Variants in KMT2E observed in about 807,000 individuals in gnomAD.
KMT2E encodes the protein histone reader KMT2E.
Under a neutral mutation model 184.6 loss-of-function variants are expected in KMT2E, and 30 were observed. The ratio of observed to expected loss-of-function variants is 0.16; its 90% confidence interval spans 0.12 to 0.22. KMT2E has a LOEUF of 0.22. Among genes scored for constraint, KMT2E ranks in the 10% least tolerant of loss-of-function variants. The pLI, the probability that KMT2E is intolerant of heterozygous loss-of-function variation, is 1.00. For synonymous variants in KMT2E, 815 were observed against 776.5 expected (o/e 1.05, Z -0.82); for missense variants, 2,023 against 2,237.4 (o/e 0.90, Z 1.93).
At chr7:105,068,411 G>T (rs1797132610) in intron 6 of KMT2E, among the ~76,000 whole-genome samples, 1 of 151,596 alleles carries the variant, frequency 6.6e-6, no homozygotes, top group African/African-American at 2.4e-5. Context: ...TGTTAATTCT[G>T]TTGTTCATTA....
chr7:105,076,538 C>T (rs1797532322), intron 9 of KMT2E, among the ~76,000 whole-genome samples: 1 of 152,152 alleles, frequency 6.6e-6, no homozygotes, highest in South Asian at 2.1e-4. Flanking sequence ...TCGATGGTAG[C>T]TAAAAAGTAT....
chr7:105,071,598 ATATATATATATT>A, intron 6 of KMT2E, among the ~76,000 whole-genome samples: 1 of 63,266 alleles, frequency 1.6e-5, no homozygotes. Flanking sequence ...ATATATATAT[ATATATATATATT>A]TTTTTTTTTT....
chr7:105,057,390 C>A (rs774091140), intron 3 of KMT2E, among the ~76,000 whole-genome samples: 6 of 152,102 alleles, frequency 3.9e-5, no homozygotes, highest in Non-Finnish European at 7.4e-5. Context: ...TACTTAGCTT[C>A]AACAGTATTC....
At chr7:105,054,618 G>A (rs904590558) in intron 3 of KMT2E, among the ~76,000 whole-genome samples, 4 of 152,040 alleles carry the variant, frequency 2.6e-5, no homozygotes, top group Non-Finnish European at 5.9e-5. Context: ...GGGTTCAAGC[G>A]ATTCTCTTCC....
At chr7:105,062,454 G>A (rs1796858214) in intron 4 of KMT2E, among the ~76,000 whole-genome samples, 176 bp downstream of exon 4, 1 of 152,086 alleles carries the variant, frequency 6.6e-6, no homozygotes, top group Non-Finnish European at 1.5e-5. Context: ...CTATAAAAGT[G>A]AACTGTTTCT....
rs1554392567 is a variant in KMT2E at position 105,071,582 on chromosome 7, G to GTATA, written c.498-2013_498-2010dup. Among the ~76,000 whole-genome samples, 323 of 34,922 alleles carry GTATA rather than the reference G, an allele frequency of 9.2e-3. 4 individuals carry two copies. Among genetic ancestry groups the GTATA allele is most frequent in the Non-Finnish European group, 0.014 (255 of 18,326 alleles). The allele number at this position is 34,922 out of a possible 152,430, so 22.9% of individuals were successfully genotyped here. A position where few individuals can be genotyped will look rare whatever the true frequency, so the allele number is the denominator to read the frequency against. On this transcript the variant is annotated intron_variant, in intron 6 of 26. Transcript: ENST00000311117. ...TGTATGTATGTATGTATGTGTGTGT[G>GTATA]TATATATATATATATATATATATAT...
chr7:105,037,082 C>G (rs1795690733), intron 1 of KMT2E, among the ~76,000 whole-genome samples: 1 of 152,098 alleles, frequency 6.6e-6, no homozygotes, highest in South Asian at 2.1e-4. Flanking sequence ...AAATTTCTTT[C>G]AAGTTTCTTT....
intron 6 of KMT2E, among the ~76,000 whole-genome samples, chr7:105,070,564 G>A (rs1005202531): frequency 6.7e-6 from 1 of 149,406 alleles, no homozygotes; most frequent in African/African-American, 2.5e-5. Flanking sequence ...AACCTGGGAG[G>A]CAGAGGTTGC....
At chr7:105,014,989 C>T (rs999420663) in intron 1 of KMT2E, among the ~76,000 whole-genome samples, 2 of 152,086 alleles carry the variant, frequency 1.3e-5, no homozygotes, top group Admixed American at 6.6e-5. Context: ...CATTTCTTGA[C>T]GGGCAGTCTC....
In KMT2E at chr7:105,113,551, C is replaced by A; in HGVS notation, c.*218C>A. The A allele has an allele frequency of 4.3e-6, 2 of 463,478 alleles. No individual in the cohort carries two copies. Among genetic ancestry groups the A allele is most frequent in the East Asian group, 7.3e-5 (2 of 27,344 alleles). The allele number at this position is 463,478 out of a possible 1,614,324, so 28.7% of individuals were successfully genotyped here. A position where few individuals can be genotyped will look rare whatever the true frequency, so the allele number is the denominator to read the frequency against. ...TATCTTTATTTTGTAAGTGAACATT[C>A]CAGCTGTTTTTTTCTGGCAGATCTG... On this transcript the variant is annotated 3_prime_UTR_variant, in exon 27 of 27. Coordinates refer to ENST00000311117, the MANE Select transcript of KMT2E (RefSeq NM_182931.3).
chr7:105,027,227 G>A (rs915967722), intron 1 of KMT2E, among the ~76,000 whole-genome samples: 1 of 151,808 alleles, frequency 6.6e-6, no homozygotes, highest in Admixed American at 6.6e-5. Flanking sequence ...GACTACAGGT[G>A]CCATGTCACC....
At chr7:105,101,777 G>T in intron 16 of KMT2E, 109 bp from the exon 17 acceptor site, 1 of 1,055,226 alleles carries the variant, frequency 9.5e-7, no homozygotes, top group South Asian at 1.7e-5. Context: ...TTATATATCA[G>T]AATTCAAAAA....
intron 12 of KMT2E, among the ~76,000 whole-genome samples, chr7:105,080,572 C>T (rs1260016855): frequency 6.6e-6 from 1 of 152,108 alleles, no homozygotes; most frequent in Non-Finnish European, 1.5e-5. Context: ...AAATTTATTT[C>T]TTCTCTGTGA....
intron 1 of KMT2E, among the ~76,000 whole-genome samples, chr7:105,034,417 A>G (rs1795549002): frequency 6.6e-6 from 1 of 151,890 alleles, no homozygotes; most frequent in Admixed American, 6.6e-5. Flanking sequence ...ATTTTTGTGG[A>G]GTTTGGGTCA....
At chr7:105,099,544 G>C (rs1798568347) in intron 15 of KMT2E, among the ~76,000 whole-genome samples, 1 of 152,016 alleles carries the variant, frequency 6.6e-6, no homozygotes, top group Non-Finnish European at 1.5e-5. Flanking sequence ...TTTTATCTCT[G>C]ACCAAAACAA....
Position 105,107,517 on chromosome 7 carries a change from G to C in KMT2E, c.3060G>C (p.Val1020=), listed in dbSNP as rs1798962969. 6.2e-7 allele frequency: 1 copy of C among 1,614,160 alleles called. No individual in the cohort carries two copies. Among genetic ancestry groups the C allele is most frequent in the Non-Finnish European group, 8.5e-7 (1 of 1,180,012 alleles). ...AGTGTCCTGGAGAAAAGGAACCTGT[G>C]TCAGACCTTCAGCTAGGACTCGATG... ...NRQCPGEKEP[V]SDLQLGLDAV... Residue 1020 remains valine, a synonymous_variant, in exon 22 of 27, where the codon GTG becomes GTC. Transcript: ENST00000311117.
At chr7:105,058,828 T>C (rs1796676974) in intron 3 of KMT2E, among the ~76,000 whole-genome samples, 1 of 152,230 alleles carries the variant, frequency 6.6e-6, no homozygotes, top group African/African-American at 2.4e-5. Context: ...GAGTATGCAA[T>C]GAATATCTTT....
Position 105,114,690 on chromosome 7 carries a change from T to C in KMT2E, c.*1357T>C, listed in dbSNP as rs2063975442. Among the ~76,000 whole-genome samples, 1 of 152,218 alleles carries C rather than the reference T, an allele frequency of 6.6e-6. No individual in the cohort carries two copies. Among genetic ancestry groups the C allele is most frequent in the South Asian group, 2.1e-4 (1 of 4,830 alleles). The stretch of plus-strand genomic sequence containing the variant: ...AATTTGGCACAGGATACAAATTCTG[T>C]GCATCAGAGAAAGTAAACACTAAAA... On this transcript the variant is annotated 3_prime_UTR_variant, in exon 27 of 27. Transcript: ENST00000311117.
intron 2 of KMT2E, among the ~76,000 whole-genome samples, chr7:105,039,906 A>G (rs1179063280): frequency 6.6e-6 from 1 of 152,152 alleles, no homozygotes; most frequent in Non-Finnish European, 1.5e-5. Context: ...ATATTTTATA[A>G]ACATACCTGT....
Sources: gnomAD v4.1 joint callset for allele counts (sites outside exome capture counted in the v4.1 genomes callset) on GRCh38, gnomAD v4.1.1 for gene constraint, MANE v1.5 for transcripts, NCBI Gene and HGNC (gene_info 2026-07-23, HGNC 2026-07-21) for gene names.